The following PPP2R2A variants were observed in gnomAD, a reference collection of about 807,000 sequenced individuals.
PPP2R2A encodes the protein protein phosphatase 2 regulatory subunit Balpha, also known as serine/threonine-protein phosphatase 2A 55 kDa regulatory subunit B alpha isoform.
In PPP2R2A, 9 loss-of-function variants were observed where a neutral mutation model predicts 53.2. That is an observed-to-expected ratio of 0.17 (90% CI 0.10 to 0.30). The LOEUF is 0.30. Ranked by LOEUF, PPP2R2A falls within the 10% of genes least tolerant of loss-of-function variation. PPP2R2A has a pLI of 1.00. For synonymous variants in PPP2R2A, 169 were observed against 174.2 expected, an observed-to-expected ratio of 0.97 and a Z score of 0.23; for missense variants, 235 against 534.6, an observed-to-expected ratio of 0.44 and a Z score of 5.53.
intron 3 of PPP2R2A, among the ~76,000 whole-genome samples, chr8:26,350,276 G>C (rs900725228): frequency 6.6e-6 from 1 of 152,014 alleles, no homozygotes; most frequent in Non-Finnish European, 1.5e-5. Context: ...TGTTAGCCAG[G>C]CTGGTCTCGA....
In PPP2R2A at chr8:26,325,638, C is replaced by CT. The variant is rs554527145; in HGVS notation, c.83-13249dup. Among the ~76,000 whole-genome samples, 15 of 152,260 alleles carry CT rather than the reference C, an allele frequency of 9.9e-5. 1 individual carries two copies. In the South Asian group the frequency reaches 3.1e-3, roughly 32 times the overall value. On this transcript the variant is annotated intron_variant, in intron 2 of 9. Transcript: ENST00000380737. ...TGGCTTTCATCTGTAGCTGTCCACA[C>CT]TTTATCAATTATCAAGCCTTGTTTT...
chr8:26,311,479 G>A (rs1208544108), intron 2 of PPP2R2A, among the ~76,000 whole-genome samples: 1 of 152,146 alleles, frequency 6.6e-6, no homozygotes, highest in East Asian at 1.9e-4. Context: ...TTAGGGTCTG[G>A]CACTTTGACT....
chr8:26,328,459 G>A (rs1181128812), intron 2 of PPP2R2A, among the ~76,000 whole-genome samples: 1 of 152,158 alleles, frequency 6.6e-6, no homozygotes, highest in African/African-American at 2.4e-5. Flanking sequence ...CATTGGAATG[G>A]TGTGTAGTGG....
chr8:26,292,285 G>A (rs777066837), intron 1 of PPP2R2A: 184 of 993,474 alleles, frequency 1.9e-4, no homozygotes, highest in Non-Finnish European at 2.2e-4. Context: ...CGAGAAGGAA[G>A]AGCGCCTTAT....
chr8:26,295,810 G>A (rs1801517630), intron 2 of PPP2R2A, among the ~76,000 whole-genome samples: 1 of 152,084 alleles, frequency 6.6e-6, no homozygotes, highest in Non-Finnish European at 1.5e-5. Flanking sequence ...GCTTTAATTT[G>A]GATATTTCTG....
At chr8:26,329,815 A>T (rs1196432620) in intron 2 of PPP2R2A, among the ~76,000 whole-genome samples, 1 of 152,190 alleles carries the variant, frequency 6.6e-6, no homozygotes, top group African/African-American at 2.4e-5. Context: ...GGAATGTTAT[A>T]CTTTGAAATG....
rs761356400 is a variant in PPP2R2A, at chr8:26,291,775, C to T, written c.-45C>T. 2.5e-6 allele frequency: 4 copies of T among 1,590,676 alleles called. No individual in the cohort carries two copies. The African/African-American group carries it at 5.5e-5, about 22-fold the overall frequency. ...AGGTGAGGGGGGTGAGTTCAGGAAG[C>T]GGAGACCCCGAGGAACCCAGCAGGG... On this transcript the variant is annotated 5_prime_UTR_variant, in exon 1 of 10. Transcript: ENST00000380737.
intron 8 of PPP2R2A, 76 bp downstream of exon 8, chr8:26,363,966 A>G (rs1805243347): frequency 3.0e-6 from 4 of 1,330,230 alleles, no homozygotes; most frequent in East Asian, 2.4e-5. Flanking sequence ...TTTTGTTACT[A>G]GGTTTTAATC....
At chr8:26,293,126 C>G in intron 1 of PPP2R2A, 1 of 1,045,924 alleles carries the variant, frequency 9.6e-7, no homozygotes, top group Admixed American at 2.6e-5. Flanking sequence ...GGTTTCTTTT[C>G]CTCTCTGTCT....
At chr8:26,316,545 A>G (rs1302929801) in intron 2 of PPP2R2A, among the ~76,000 whole-genome samples, 1 of 152,196 alleles carries the variant, frequency 6.6e-6, no homozygotes, top group African/African-American at 2.4e-5. Flanking sequence ...AAATTAACAC[A>G]TATATTTGTC....
In PPP2R2A at chr8:26,354,696, C is replaced by T; in HGVS notation, c.346+63C>T. The T allele has an allele frequency of 7.7e-7, 1 of 1,301,898 alleles. No individual in the cohort carries two copies. The highest frequency in any genetic ancestry group is 2.6e-5 in the East Asian group (1 of 37,918). 80.6% of individuals were successfully genotyped at this position (1,301,898 alleles called of 1,614,324 possible). A position where few individuals can be genotyped will look rare whatever the true frequency, so the allele number is the denominator to read the frequency against. ...TGTACCTGTTGCACATATCCTGTAGCCTAGGAGAGGAATCATTTAACAGAG... is the reference window on the plus strand; with the variant it reads ...TGTACCTGTTGCACATATCCTGTAGTCTAGGAGAGGAATCATTTAACAGAG... On this transcript the variant is annotated intron_variant, in intron 4 of 9. Coordinates refer to ENST00000380737, the MANE Select transcript of PPP2R2A (RefSeq NM_002717.4). This position sits in a 1 kb window ranked among gnomAD's most constrained non-coding sequence, Gnocchi z 4.6.
intron 1 of PPP2R2A, among the ~76,000 whole-genome samples, chr8:26,292,836 G>A (rs141332095): frequency 6.6e-6 from 1 of 152,150 alleles, no homozygotes; most frequent in African/African-American, 2.4e-5. Flanking sequence ...GTACTTGCAC[G>A]TGAAATAGAA....
intron 2 of PPP2R2A, among the ~76,000 whole-genome samples, chr8:26,322,328 A>G (rs1194608489): frequency 6.6e-6 from 1 of 152,210 alleles, no homozygotes; most frequent in Non-Finnish European, 1.5e-5. Context: ...TGATTTTCTC[A>G]GTTGCATTGT....
In PPP2R2A at chr8:26,338,627, T is replaced by C. The variant is rs769677068; in HGVS notation, c.83-263T>C. Reference sequence around the variant, plus strand: ...GTTGATTTCTTTGCATTCACAAATTTAGTGAAATGTTAATAAATTAGTATT... The same window carrying C: ...GTTGATTTCTTTGCATTCACAAATTCAGTGAAATGTTAATAAATTAGTATT... On this transcript the variant is annotated intron_variant, in intron 2 of 9. Coordinates refer to ENST00000380737, the MANE Select transcript of PPP2R2A (RefSeq NM_002717.4). This position sits in a 1 kb window ranked among gnomAD's most constrained non-coding sequence, Gnocchi z 4.5. Among the ~76,000 whole-genome samples the C allele has an allele frequency of 6.6e-6, 1 of 152,242 alleles. No homozygotes were observed. The highest frequency in any genetic ancestry group is 1.5e-5 in the Non-Finnish European group (1 of 68,042).
At chr8:26,369,685 C>T (rs990500658) in intron 9 of PPP2R2A, among the ~76,000 whole-genome samples, 1 of 152,180 alleles carries the variant, frequency 6.6e-6, no homozygotes, top group Non-Finnish European at 1.5e-5. Context: ...AGCCACTGCG[C>T]CCGGCCCAAA....
At chr8:26,348,832 A>G (rs147375367) in intron 3 of PPP2R2A, among the ~76,000 whole-genome samples, 4 of 152,324 alleles carry the variant, frequency 2.6e-5, no homozygotes, top group South Asian at 2.1e-4. Context: ...AACAGGAATG[A>G]AAAATGAAGA....
chr8:26,360,935 C>A lies in PPP2R2A; in HGVS notation c.460-39C>A. On this transcript the variant is annotated intron_variant, in intron 5 of 9. Transcript: ENST00000380737. This position sits in a 1 kb window ranked among gnomAD's most constrained non-coding sequence, Gnocchi z 4.5. ...ATCTTAATTGCTATTTGAAACTGAGCCTTTTGTAATTTCTGTTTTTCATGT... is the reference window on the plus strand; with the variant it reads ...ATCTTAATTGCTATTTGAAACTGAGACTTTTGTAATTTCTGTTTTTCATGT... The A allele has an allele frequency of 1.3e-6, 2 of 1,546,682 alleles. No homozygotes were observed. Among genetic ancestry groups the A allele is most frequent in the Admixed American group, 2.3e-5 (1 of 43,138 alleles).
chr8:26,325,638 CT>C (rs554527145), intron 2 of PPP2R2A, among the ~76,000 whole-genome samples: 11 of 152,142 alleles, frequency 7.2e-5, no homozygotes, highest in African/African-American at 2.7e-4. Flanking sequence ...GCTGTCCACA[CT>C]TTATCAATTA....
At chr8:26,334,059 C>T (rs763648057) in intron 2 of PPP2R2A, among the ~76,000 whole-genome samples, 1 of 151,868 alleles carries the variant, frequency 6.6e-6, no homozygotes, top group Non-Finnish European at 1.5e-5. Flanking sequence ...ACCTTTATAT[C>T]GCACAATTTG....
Sources: allele counts gnomAD v4.1 joint callset (sites outside exome capture counted in the v4.1 genomes callset), GRCh38; gene constraint gnomAD v4.1.1; non-coding constraint Gnocchi (gnomAD v3.1); transcripts MANE v1.5; gene names NCBI Gene and HGNC (gene_info 2026-07-23, HGNC 2026-07-21).